Variants in EFNA5 observed in about 807,000 individuals in gnomAD.
EFNA5 encodes the protein ephrin-A5.
Under a neutral mutation model 22.9 loss-of-function variants are expected in EFNA5, and 5 were observed. The observed-to-expected ratio is 0.22, with a 90% confidence interval of 0.11 to 0.46. The LOEUF (loss-of-function observed/expected upper bound fraction) is 0.46, where lower values mean the gene tolerates loss of function less well. Among genes scored for constraint, EFNA5 ranks in the 20% least tolerant of loss-of-function variants. EFNA5 has a pLI of 0.99. For synonymous variants in EFNA5, 113 were observed against 112.2 expected (o/e 1.01, Z -0.04); for missense variants, 237 against 293.3 (o/e 0.81, Z 1.40).
At position 107,496,336 on chromosome 5, in the gene EFNA5, C is replaced by CAAAAAA. The variant is rs77916124; in HGVS notation, c.126-68833_126-68828dup. On this transcript the variant is annotated intron_variant, in intron 1 of 4. Transcript: ENST00000333274. ...GGGCAACGAGAGCAAAATTCCATCTCAAAAAAAAAAAAAAAAACAAAAAAA... is the reference window on the plus strand; with the variant it reads ...GGGCAACGAGAGCAAAATTCCATCTCAAAAAAAAAAAAAAAAAAAAAAACAAAAAAA... Among the ~76,000 whole-genome samples the CAAAAAA allele has an allele frequency of 5.4e-4, 43 of 79,810 alleles. 1 individual carries two copies. The East Asian group carries it at 6.3e-3, about 12-fold the overall frequency. The allele number at this position is 79,810 out of a possible 152,430, so 52.4% of individuals were successfully genotyped here. A position where few individuals can be genotyped will look rare whatever the true frequency, so the allele number is the denominator to read the frequency against.
At chr5:107,590,739 A>T (rs2112502223) in intron 1 of EFNA5, among the ~76,000 whole-genome samples, 1 of 152,280 alleles carries the variant, frequency 6.6e-6, no homozygotes, top group South Asian at 2.1e-4. Flanking sequence ...ACACACATAA[A>T]GGAAGAATCT....
chr5:107,402,468 T>C (rs1468004718), intron 2 of EFNA5, among the ~76,000 whole-genome samples: 1 of 152,236 alleles, frequency 6.6e-6, no homozygotes, highest in African/African-American at 2.4e-5. Context: ...ACTTTCAGCA[T>C]CATCATGCCA....
At chr5:107,574,690 GA>G (rs892830219) in intron 1 of EFNA5, among the ~76,000 whole-genome samples, 8 of 152,248 alleles carry the variant, frequency 5.3e-5, no homozygotes, top group African/African-American at 1.9e-4. Context: ...TGGAAGGGGG[GA>G]AAAAGACTAA....
At position 107,473,692 on chromosome 5, in the gene EFNA5, T is replaced by TGGCAA. The variant is rs1173370135; in HGVS notation, c.126-46184_126-46183insTTGCC. On this transcript the variant is annotated intron_variant, in intron 1 of 4. Transcript: ENST00000333274. Reference sequence around the variant, plus strand: ...TTTTTTTTTTGAGACAGAGTTTCGCTCTTGTTGCCCAAGCTGGAGTGCAAA... The same window carrying TGGCAA: ...TTTTTTTTTTGAGACAGAGTTTCGCTGGCAACTTGTTGCCCAAGCTGGAGTGCAAA... Among the ~76,000 whole-genome samples the TGGCAA allele has an allele frequency of 6.0e-5, 9 of 150,632 alleles. No individual in the cohort carries two copies. In the Admixed American group the frequency reaches 6.0e-4, roughly 10 times the overall value.
At chr5:107,448,075 C>A (rs767759310) in intron 1 of EFNA5, among the ~76,000 whole-genome samples, 2 of 152,118 alleles carry the variant, frequency 1.3e-5, no homozygotes, top group Non-Finnish European at 2.9e-5. Context: ...GGATTATAGG[C>A]ATGAGCCACT....
At chr5:107,669,898 G>C (rs1032061795) in intron 1 of EFNA5, among the ~76,000 whole-genome samples, 2 of 151,922 alleles carry the variant, frequency 1.3e-5, no homozygotes, top group African/African-American at 2.4e-5. Context: ...ACTGACTCAG[G>C]GGCCGAATGA....
chr5:107,617,446 G>T (rs1175014226), intron 1 of EFNA5, among the ~76,000 whole-genome samples: 2 of 152,140 alleles, frequency 1.3e-5, no homozygotes, highest in Non-Finnish European at 2.9e-5. Context: ...TTTTGGGGAA[G>T]TTTGCTTTCT....
chr5:107,569,559 T>TATATATATATATATATA (rs1748742560), intron 1 of EFNA5, among the ~76,000 whole-genome samples: 1 of 42,530 alleles, frequency 2.4e-5, no homozygotes, highest in Non-Finnish European at 4.3e-5. Flanking sequence ...ATATATATAT[T>TATATATATATATATATA]TATATATATA....
rs375574473 is a variant in EFNA5, at chr5:107,573,341, G to C, written c.125+97148C>G. Among the ~76,000 whole-genome samples, 249 of 152,170 alleles carry C rather than the reference G, an allele frequency of 1.6e-3. 1 individual carries two copies. The highest frequency in any genetic ancestry group is 2.7e-3 in the Admixed American group (41 of 15,286). ...ATTTTCTGGTTTACATATGAAACCA[G>C]GGGGTAAGAAGTGCCAGTGGAATAT... On this transcript the variant is annotated intron_variant, in intron 1 of 4. Transcript: ENST00000333274.
intron 2 of EFNA5, 136 bp downstream of exon 2, chr5:107,427,081 G>T (rs1748828399): frequency 1.1e-6 from 1 of 896,664 alleles, no homozygotes; most frequent in Non-Finnish European, 1.7e-6. Context: ...TGTATCTAGG[G>T]ATCCTGATGT....
At chr5:107,424,334 GTA>G in intron 2 of EFNA5, among the ~76,000 whole-genome samples, 1 of 147,362 alleles carries the variant, frequency 6.8e-6, no homozygotes, top group Middle Eastern at 3.5e-3. Flanking sequence ...AGCCTCCCAA[GTA>G]GCTGAGATTA....
intron 1 of EFNA5, among the ~76,000 whole-genome samples, chr5:107,493,161 C>T (rs1476990998): frequency 1.3e-5 from 2 of 151,182 alleles, no homozygotes; most frequent in African/African-American, 4.9e-5. Context: ...AGAATAATTA[C>T]TTTTATTTGT....
chr5:107,548,139 T>C (rs1748209774), intron 1 of EFNA5, among the ~76,000 whole-genome samples: 1 of 152,176 alleles, frequency 6.6e-6, no homozygotes, highest in South Asian at 2.1e-4. Flanking sequence ...AGAGGCAAAC[T>C]AACCTACTCA....
chr5:107,591,943 T>TATAATATATAA (rs1749353117), intron 1 of EFNA5, among the ~76,000 whole-genome samples: 1 of 18,836 alleles, frequency 5.3e-5, no homozygotes, highest in Admixed American at 1.1e-3. Context: ...AATATATATA[T>TATAATATATAA]TATATATAAT....
At chr5:107,546,948 C>T (rs1157241544) in intron 1 of EFNA5, among the ~76,000 whole-genome samples, 1 of 152,126 alleles carries the variant, frequency 6.6e-6, no homozygotes, top group Non-Finnish European at 1.5e-5. Context: ...TTGATATTTG[C>T]TAAGGCCTAA....
intron 4 of EFNA5, among the ~76,000 whole-genome samples, chr5:107,386,474 A>G (rs1747627656): frequency 6.6e-6 from 1 of 152,246 alleles, no homozygotes. Flanking sequence ...GCGACAGACT[A>G]ATGCCTCAAC....
At chr5:107,483,728 G>A (rs1403169576) in intron 1 of EFNA5, among the ~76,000 whole-genome samples, 1 of 152,132 alleles carries the variant, frequency 6.6e-6, no homozygotes, top group African/African-American at 2.4e-5. Flanking sequence ...AACTTTTTGT[G>A]CTTTCTGATT....
intron 1 of EFNA5, among the ~76,000 whole-genome samples, chr5:107,514,089 T>C (rs1298332370): frequency 6.6e-6 from 1 of 152,212 alleles, no homozygotes; most frequent in Non-Finnish European, 1.5e-5. Flanking sequence ...GTTTCTGTCA[T>C]GCTAAATGAC....
chr5:107,640,381 A>G (rs1750476175), intron 1 of EFNA5, among the ~76,000 whole-genome samples: 1 of 152,264 alleles, frequency 6.6e-6, no homozygotes, highest in Non-Finnish European at 1.5e-5. Context: ...TAAGCATATG[A>G]GAAAAGCTCA....
Sources: allele counts gnomAD v4.1 joint callset (sites outside exome capture counted in the v4.1 genomes callset), GRCh38; gene constraint gnomAD v4.1.1; transcripts MANE v1.5; gene names NCBI Gene and HGNC (gene_info 2026-07-23, HGNC 2026-07-21).